PLSCR2: variants seen among roughly 807,000 people sequenced by gnomAD.
PLSCR2 encodes phospholipid scramblase 2.
A neutral mutation model predicts 25.3 loss-of-function variants in PLSCR2; 18 were observed. The ratio of observed to expected loss-of-function variants is 0.71; its 90% CI spans 0.49 to 1.06. The LOEUF is 1.06. Among genes scored for constraint, PLSCR2 ranks in the 50% least tolerant of loss-of-function variants. The pLI is 0.00. For synonymous variants in PLSCR2, 88 were observed against 87.3 expected (o/e 1.01, Z -0.04); for missense variants, 243 against 269.5 (o/e 0.90, Z 0.69).
chr3:146,399,722 TTCTC>T (rs918001367), intron 2 of PLSCR2, among the ~76,000 whole-genome samples: 6 of 151,132 alleles, frequency 4.0e-5, no homozygotes, highest in Admixed American at 2.6e-4. Context: ...CTCTCTCCCT[TTCTC>T]TCTCTCTCTT....
chr3:146,487,786 A>G (rs2043398947), intron 1 of PLSCR2, among the ~76,000 whole-genome samples: 1 of 152,208 alleles, frequency 6.6e-6, no homozygotes, highest in Non-Finnish European at 1.5e-5. Flanking sequence ...CCATTAAACT[A>G]CCATTGACAT....
chr3:146,471,606 G>A (rs1178923467), intron 1 of PLSCR2, among the ~76,000 whole-genome samples: 3 of 137,338 alleles, frequency 2.2e-5, no homozygotes, highest in Admixed American at 7.8e-5. Flanking sequence ...TCACTCTGTT[G>A]CCCCGACTGG....
downstream of PLSCR2, among the ~76,000 whole-genome samples, chr3:146,429,007 C>T (rs62274678): frequency 1.2e-4 from 19 of 152,244 alleles, no homozygotes; most frequent in African/African-American, 3.6e-4. Context: ...TCCCTGGACC[C>T]GCATTAGATC....
At chr3:146,405,001 G>A (rs944358329) in intron 2 of PLSCR2, among the ~76,000 whole-genome samples, 1 of 152,118 alleles carries the variant, frequency 6.6e-6, no homozygotes, top group African/African-American at 2.4e-5. Context: ...TGGCTTTACT[G>A]GTTTTGTTGT....
At chr3:146,416,354 A>C (rs1377364157) in intron 2 of PLSCR2, 3 of 152,140 alleles carry the variant, frequency 2.0e-5, no homozygotes, top group East Asian at 3.8e-4. Flanking sequence ...CAAAAATAAA[A>C]ATTTAAATAT....
At chr3:146,449,090 A>G (rs1046633186) in intron 6 of PLSCR2, 116 bp downstream of exon 6, 9 of 805,158 alleles carry the variant, frequency 1.1e-5, no homozygotes, top group Non-Finnish European at 1.8e-5. Context: ...AAATGAGAAC[A>G]TTTTATAAAA....
intron 3 of PLSCR2, among the ~76,000 whole-genome samples, chr3:146,391,829 T>A (rs1351646170): frequency 6.6e-6 from 1 of 152,092 alleles, no homozygotes; most frequent in Non-Finnish European, 1.5e-5. Context: ...TTCTACCTCA[T>A]TTTACTTATG....
chr3:146,423,047 C>T lies in PLSCR2; in HGVS notation c.101-27126G>A, dbSNP rs77008155. 7.0e-4 allele frequency among the ~76,000 whole-genome samples: 107 copies of T among 152,022 alleles called. No individual in the cohort carries two copies. In the East Asian group the frequency reaches 0.019, roughly 27 times the overall value. On this transcript the variant is annotated intron_variant and NMD_transcript_variant, in intron 2 of 3. Coordinates refer to the PLSCR2 transcript ENST00000463633. Reference sequence around the variant, plus strand: ...AACATTTTGCTTATTAGGATGTCGGCAGTGTGTATGGGCATCCCATTTGGA... The same window carrying T: ...AACATTTTGCTTATTAGGATGTCGGTAGTGTGTATGGGCATCCCATTTGGA...
chr3:146,398,135 T>C (rs945815237), intron 2 of PLSCR2, among the ~76,000 whole-genome samples: 10 of 151,956 alleles, frequency 6.6e-5, no homozygotes, highest in African/African-American at 2.4e-4. Flanking sequence ...CTTAAGAATC[T>C]TCAGGTTTGA....
At chr3:146,426,299 TTCCTTCCC>T (rs1406488554) in intron 2 of PLSCR2, among the ~76,000 whole-genome samples, 3 of 144,274 alleles carry the variant, frequency 2.1e-5, no homozygotes, top group African/African-American at 7.6e-5. Flanking sequence ...CCTTCCTGCC[TTCCTTCCC>T]TCCTTCCCTC....
upstream of PLSCR2, among the ~76,000 whole-genome samples, chr3:146,460,516 A>G (rs973820457): frequency 6.6e-6 from 1 of 152,108 alleles, no homozygotes; most frequent in Non-Finnish European, 1.5e-5. Flanking sequence ...CCTGTGAAAA[A>G]TTTTAATTGT....
intron 5 of PLSCR2, 26 bp from the exon 6 acceptor site, chr3:146,449,393 T>TA (rs745770154): frequency 1.4e-6 from 2 of 1,390,462 alleles, no homozygotes; most frequent in African/African-American, 2.9e-5. Flanking sequence ...AAAAAAAACT[T>TA]AAAAATTTCT....
chr3:146,480,353 G>C (rs1405634676), intron 1 of PLSCR2, among the ~76,000 whole-genome samples: 24 of 151,988 alleles, frequency 1.6e-4, no homozygotes, highest in Admixed American at 1.6e-3. Context: ...GACTAATAAA[G>C]AAGAAAAGAG....
At chr3:146,416,599 T>C (rs996283703) in intron 2 of PLSCR2, 5 of 152,202 alleles carry the variant, frequency 3.3e-5, no homozygotes, top group Non-Finnish European at 5.9e-5. Context: ...AACTGGATTA[T>C]GTAAGTGCTT....
intron 2 of PLSCR2, among the ~76,000 whole-genome samples, chr3:146,427,447 AT>A (rs2039395293): frequency 6.6e-6 from 1 of 152,126 alleles, no homozygotes; most frequent in Non-Finnish European, 1.5e-5. Context: ...GAGAAAGAGC[AT>A]GGATAAGATG....
chr3:146,427,011 A>T (rs928271662), intron 2 of PLSCR2, among the ~76,000 whole-genome samples: 1 of 152,210 alleles, frequency 6.6e-6, no homozygotes, highest in Non-Finnish European at 1.5e-5. Context: ...CTTCACCCTC[A>T]ATTTATTTAA....
At position 146,454,156 on chromosome 3, in the gene PLSCR2, A is replaced by T. The variant is rs375328866; in HGVS notation, c.329T>A (p.Ile110Asn). The change falls in exon 5 of 7, where the codon ATC (isoleucine) becomes AAC (asparagine). Residue 110 changes from isoleucine (I) to asparagine (N), a missense_variant. Transcript: ENST00000610787. ...TACTGGTACACCAGGAGGAGCTTGG[A>T]TTTCTATCTACAAAAGTAAAATATG... 4.4e-6 allele frequency: 7 copies of T among 1,581,246 alleles called. No homozygotes were observed. In the African/African-American group the frequency reaches 9.6e-5, roughly 22 times the overall value.
chr3:146,494,224 T>A (rs768232833), intron 1 of PLSCR2, among the ~76,000 whole-genome samples: 1 of 152,114 alleles, frequency 6.6e-6, no homozygotes, highest in Non-Finnish European at 1.5e-5. Flanking sequence ...CTGAATTGTT[T>A]TGTGCATATG....
At chr3:146,415,796 G>A (rs1338779559) in intron 2 of PLSCR2, among the ~76,000 whole-genome samples, 2 of 152,068 alleles carry the variant, frequency 1.3e-5, no homozygotes, top group Admixed American at 6.6e-5. Flanking sequence ...CAGAATAAGA[G>A]ACATTTTCCC....
Sources: allele counts gnomAD v4.1 joint callset (sites outside exome capture counted in the v4.1 genomes callset), GRCh38; gene constraint gnomAD v4.1.1; transcripts MANE v1.5; gene names NCBI Gene and HGNC (gene_info 2026-07-23, HGNC 2026-07-21).